ANK2: variants seen among roughly 807,000 people sequenced by gnomAD.
ANK2 encodes the protein ankyrin-2.
In ANK2, 83 loss-of-function variants were observed where a neutral mutation model predicts 360.5. The ratio of observed to expected loss-of-function variants is 0.23; its 90% CI spans 0.19 to 0.28. The LOEUF is 0.28. Ranked by LOEUF, ANK2 falls within the 10% of genes least tolerant of loss-of-function variation. The pLI, the probability that ANK2 is intolerant of heterozygous loss-of-function variation, is 1.00. For synonymous variants in ANK2, 1,740 were observed against 1,759.5 expected (o/e 0.99, Z 0.28); for missense variants, 4,201 against 4,795.7 (o/e 0.88, Z 3.66).
At chr4:113,034,286 T>C (rs1267530903) in intron 2 of ANK2, among the ~76,000 whole-genome samples, 1 of 152,020 alleles carries the variant, frequency 6.6e-6, no homozygotes, top group Non-Finnish European at 1.5e-5. Context: ...TATTTTTATT[T>C]AGCTTATAAC....
intron 2 of ANK2, among the ~76,000 whole-genome samples, chr4:113,023,604 A>G (rs534536957): frequency 8.5e-5 from 13 of 152,336 alleles, no homozygotes; most frequent in Admixed American, 1.3e-4. Context: ...CTGCCATAAG[A>G]TAGCACCACC....
At chr4:113,249,235 C>CAAA (rs1163395733) in intron 9 of ANK2, among the ~76,000 whole-genome samples, 1 of 152,042 alleles carries the variant, frequency 6.6e-6, no homozygotes, top group African/African-American at 2.4e-5. Context: ...TTCACTTTTG[C>CAAA]AAGCATTAGG....
At chr4:112,909,539 TA>T (rs1323118550) in intron 2 of ANK2, among the ~76,000 whole-genome samples, 1 of 152,238 alleles carries the variant, frequency 6.6e-6, no homozygotes. Flanking sequence ...TGTTTCCTAC[TA>T]TTTTTTTGTT....
At chr4:113,292,838 G>T (rs1016322034) in intron 21 of ANK2, 3 of 409,432 alleles carry the variant, frequency 7.3e-6, no homozygotes, top group Admixed American at 3.6e-5. Flanking sequence ...GCCTTCTTAA[G>T]GGAGCACAGT....
At chr4:112,870,125 A>G (rs1281114539) in intron 1 of ANK2, among the ~76,000 whole-genome samples, 32 of 152,082 alleles carry the variant, frequency 2.1e-4, no homozygotes, top group Non-Finnish European at 1.6e-4. Context: ...CAGCTTCCCT[A>G]GTAGCTGGGA....
chr4:112,966,860 C>G (rs2037479913), intron 2 of ANK2, among the ~76,000 whole-genome samples: 1 of 151,868 alleles, frequency 6.6e-6, no homozygotes, highest in South Asian at 2.1e-4. Context: ...TCCTTCTGAC[C>G]CTCTCCTTTC....
rs1406138303 is a variant in ANK2, at chr4:112,860,300, C to T, written c.-40+42036C>T. Reference sequence around the variant, plus strand: ...GGAGTGCAGTGGTGTGATCTTGGCTCACTGCAACCTCCGCCTCCCGGGTTC... The same window carrying T: ...GGAGTGCAGTGGTGTGATCTTGGCTTACTGCAACCTCCGCCTCCCGGGTTC... On this transcript the variant is annotated intron_variant, in intron 1 of 30. Transcript: ENST00000503271. Among the ~76,000 whole-genome samples, 6 of 152,112 alleles carry T rather than the reference C, an allele frequency of 3.9e-5. No homozygotes were observed. The East Asian group carries it at 7.7e-4, about 20-fold the overall frequency.
chr4:113,308,895 C>T (rs575086520), intron 23 of ANK2, among the ~76,000 whole-genome samples: 33 of 152,084 alleles, frequency 2.2e-4, no homozygotes, highest in Non-Finnish European at 4.1e-4. Context: ...GGGGATGAGG[C>T]TTTGGAGGCA....
chr4:113,073,106 C>T (rs148498988), intron 1 of ANK2, among the ~76,000 whole-genome samples: 2,698 of 151,606 alleles, frequency 0.018, 77 homozygotes, highest in African/African-American at 0.061. Context: ...GGATTACAGG[C>T]GCCCACCACC....
At chr4:113,341,966 G>A (rs535253680) in intron 33 of ANK2, 50 bp downstream of exon 33, 19 of 1,361,798 alleles carry the variant, frequency 1.4e-5, no homozygotes, top group Non-Finnish European at 2.0e-5. Flanking sequence ...TGTTATACCT[G>A]CATTAATAGA....
rs1022861894 is a variant in ANK2, at chr4:113,172,977, G to A, written c.85-1439G>A. Among the ~76,000 whole-genome samples the A allele has an allele frequency of 3.3e-5, 5 of 152,190 alleles. No individual in the cohort carries two copies. The East Asian group carries it at 7.7e-4, about 23-fold the overall frequency. The stretch of plus-strand genomic sequence containing the variant: ...TGCAGCATTGCAGATATTCTTGGGG[G>A]CACTCTGCCATTGGTACAGACTTCA... On this transcript the variant is annotated intron_variant, in intron 1 of 45. Transcript: ENST00000357077.
At chr4:112,752,027 A>G in the ANK2 span, among the ~76,000 whole-genome samples, 2 of 152,208 alleles carry the variant, frequency 1.3e-5, no homozygotes, top group African/African-American at 4.8e-5. Flanking sequence ...CTTATTAACC[A>G]AGGGTAAATG....
In ANK2 at chr4:113,311,413, CT is replaced by C; in HGVS notation, c.2693+16del. On this transcript the variant is annotated intron_variant, in intron 24 of 45. Transcript: ENST00000357077. ...ACGATCTGACAGGTATCTCATAAAACTTATAATTGATGTCAGCCAGAAGTAT... is the reference window on the plus strand; with the variant it reads ...ACGATCTGACAGGTATCTCATAAAACTATAATTGATGTCAGCCAGAAGTAT... The C allele has an allele frequency of 1.2e-6, 2 of 1,613,860 alleles. No homozygotes were observed. The highest frequency in any genetic ancestry group is 1.7e-6 in the Non-Finnish European group (2 of 1,179,908).
At chr4:113,240,080 G>A (rs1267115293) in intron 7 of ANK2, among the ~76,000 whole-genome samples, 5 of 151,992 alleles carry the variant, frequency 3.3e-5, no homozygotes, top group Non-Finnish European at 7.4e-5. Context: ...AAAAACACTG[G>A]TTTCTTTGAA....
intron 1 of ANK2, among the ~76,000 whole-genome samples, chr4:113,123,463 A>G (rs1358141532): frequency 6.6e-6 from 1 of 152,110 alleles, no homozygotes; most frequent in Non-Finnish European, 1.5e-5. Context: ...GTATTTCTCA[A>G]AATAATTTCT....
intron 1 of ANK2, among the ~76,000 whole-genome samples, chr4:112,822,825 A>G (rs1266439890): frequency 6.6e-6 from 1 of 152,092 alleles, no homozygotes; most frequent in East Asian, 1.9e-4. Flanking sequence ...AAAATTTCAG[A>G]TTAATTTTTT....
At chr4:113,145,927 GA>G (rs769494048) in intron 1 of ANK2, 1 of 1,289,840 alleles carries the variant, frequency 7.8e-7, no homozygotes. Flanking sequence ...AGAGCACAAG[GA>G]AACATGCAGG....
At chr4:113,097,292 T>G (rs1223728634) in intron 1 of ANK2, among the ~76,000 whole-genome samples, 1 of 151,886 alleles carries the variant, frequency 6.6e-6, no homozygotes, top group East Asian at 1.9e-4. Context: ...GATAGATCTC[T>G]GTGCTAGAGT....
intron 1 of ANK2, among the ~76,000 whole-genome samples, chr4:113,065,945 G>C (rs756039672): frequency 2.0e-5 from 3 of 152,076 alleles, no homozygotes; most frequent in Non-Finnish European, 4.4e-5. Flanking sequence ...TCACTACTCT[G>C]GTGTCCCCAG....
Sources: gnomAD v4.1 joint callset for allele counts (sites outside exome capture counted in the v4.1 genomes callset) on GRCh38, gnomAD v4.1.1 for gene constraint, MANE v1.5 for transcripts, NCBI Gene and HGNC (gene_info 2026-07-23, HGNC 2026-07-21) for gene names.